Variants in MIPOL1 observed in about 807,000 individuals in gnomAD.
The protein encoded by MIPOL1 is mirror-image polydactyly gene 1 protein.
In MIPOL1, 57 loss-of-function variants were observed where a neutral mutation model predicts 60.9. The ratio of observed to expected loss-of-function variants is 0.94; its 90% CI spans 0.76 to 1.17. The LOEUF (loss-of-function observed/expected upper bound fraction) is 1.17, where lower values mean the gene tolerates loss of function less well. Among genes scored for constraint, MIPOL1 ranks in the 50% most tolerant of loss-of-function variants. The pLI, the probability that MIPOL1 is intolerant of heterozygous loss-of-function variation, is 0.00. For missense variants in MIPOL1, 551 were observed against 511.6 expected (o/e 1.08, Z -0.74); for synonymous variants, 179 against 168.8 (o/e 1.06, Z -0.47).
chr14:37,484,629 C>A (rs558068774), intron 11 of MIPOL1, among the ~76,000 whole-genome samples: 1 of 152,216 alleles, frequency 6.6e-6, no homozygotes, highest in South Asian at 2.1e-4. Flanking sequence ...GGCCACCACA[C>A]CCAGCCGTTA....
rs531470632 is a variant in MIPOL1, at chr14:37,528,425, T to C, written c.1263-18480T>C. 5.3e-5 allele frequency among the ~76,000 whole-genome samples: 8 copies of C among 152,172 alleles called. No homozygotes were observed. The South Asian group carries it at 1.7e-3, about 32-fold the overall frequency. ...GCACATATCTGTGCAAATGGAATTCTTGAGTTAAAGAATATTTAGAATTGT... is the reference window on the plus strand; with the variant it reads ...GCACATATCTGTGCAAATGGAATTCCTGAGTTAAAGAATATTTAGAATTGT... On this transcript the variant is annotated intron_variant, in intron 12 of 12. Coordinates refer to ENST00000684589, the MANE Select transcript of MIPOL1 (RefSeq NM_001388067.1).
At chr14:37,517,293 A>C (rs941178414) in intron 12 of MIPOL1, among the ~76,000 whole-genome samples, 1 of 152,190 alleles carries the variant, frequency 6.6e-6, no homozygotes, top group African/African-American at 2.4e-5. Context: ...TTTAATTAAA[A>C]CATTATGATC....
chr14:37,227,260 T>A (rs1017802792), intron 1 of MIPOL1, among the ~76,000 whole-genome samples: 1 of 152,222 alleles, frequency 6.6e-6, no homozygotes, highest in Non-Finnish European at 1.5e-5. Flanking sequence ...TCTTAGAGAC[T>A]GCTTGCTGTT....
chr14:37,376,636 C>A (rs1428695188), intron 10 of MIPOL1, among the ~76,000 whole-genome samples: 1 of 152,008 alleles, frequency 6.6e-6, no homozygotes, highest in African/African-American at 2.4e-5. Flanking sequence ...AGCTAAATCA[C>A]ATTTAATTGT....
chr14:37,296,750 A>G (rs1171601673), intron 7 of MIPOL1, among the ~76,000 whole-genome samples: 1 of 152,172 alleles, frequency 6.6e-6, no homozygotes, highest in Admixed American at 6.5e-5. Flanking sequence ...CCAAGACTAA[A>G]CCAGGTAGAA....
At chr14:37,232,082 TA>T (rs1054815125) in intron 1 of MIPOL1, among the ~76,000 whole-genome samples, 2 of 151,926 alleles carry the variant, frequency 1.3e-5, no homozygotes, top group Admixed American at 6.6e-5. Flanking sequence ...ACACTGTCTC[TA>T]AAAAAAATTA....
chr14:37,355,561 G>T (rs1330095515), intron 9 of MIPOL1, among the ~76,000 whole-genome samples: 2 of 147,504 alleles, frequency 1.4e-5, no homozygotes, highest in Non-Finnish European at 3.0e-5. Flanking sequence ...ACGTAGATTT[G>T]GTCTTTTCAC....
At chr14:37,276,007 T>C (rs887188688) in intron 6 of MIPOL1, among the ~76,000 whole-genome samples, 1 of 151,226 alleles carries the variant, frequency 6.6e-6, no homozygotes, top group African/African-American at 2.4e-5. Flanking sequence ...AAGATGAATT[T>C]GAGATCCTCT....
intron 12 of MIPOL1, among the ~76,000 whole-genome samples, chr14:37,524,699 TG>T (rs1202808789): frequency 1.3e-5 from 2 of 151,420 alleles, no homozygotes; most frequent in African/African-American, 4.9e-5. Context: ...CCCGAGTAGC[TG>T]GGATTACAGG....
intron 11 of MIPOL1, among the ~76,000 whole-genome samples, chr14:37,484,611 C>G (rs1027781514): frequency 6.6e-6 from 1 of 152,070 alleles, no homozygotes; most frequent in African/African-American, 2.4e-5. Context: ...GCTGGGATTA[C>G]AGTCGTGGGC....
intron 11 of MIPOL1, among the ~76,000 whole-genome samples, chr14:37,469,726 A>T (rs1197380270): frequency 6.6e-6 from 1 of 152,138 alleles, no homozygotes; most frequent in Non-Finnish European, 1.5e-5. Context: ...GCTTAATGCC[A>T]TTATCATAGA....
Position 37,429,278 on chromosome 14 carries a change from T to C in MIPOL1, c.1031+6329T>C, listed in dbSNP as rs184652428. Among the ~76,000 whole-genome samples the C allele has an allele frequency of 4.6e-3, 705 of 152,318 alleles. 4 individuals carry two copies. The highest frequency in any genetic ancestry group is 0.015 in the African/African-American group (625 of 41,586). On this transcript the variant is annotated intron_variant, in intron 11 of 12. Transcript: ENST00000684589. ...GATTTTATAGTGCTTCCTTATATTT[T>C]CTTTCACTTAAAGAAAGTGTAAATT...
At chr14:37,315,869 C>T (rs1381366075) in intron 9 of MIPOL1, among the ~76,000 whole-genome samples, 4 of 151,836 alleles carry the variant, frequency 2.6e-5, no homozygotes, top group African/African-American at 9.7e-5. Context: ...GGGGCTAAGA[C>T]CAAGTTGTGT....
chr14:37,438,827 T>C (rs2094200642), intron 11 of MIPOL1, among the ~76,000 whole-genome samples: 1 of 152,250 alleles, frequency 6.6e-6, no homozygotes, highest in South Asian at 2.1e-4. Context: ...TTATATCATA[T>C]GTTAGGCTAC....
intron 1 of MIPOL1, among the ~76,000 whole-genome samples, chr14:37,225,391 G>A (rs1051139050): frequency 1.3e-5 from 2 of 152,124 alleles, no homozygotes; most frequent in Non-Finnish European, 2.9e-5. Context: ...AGGCATTTCC[G>A]TACATCCTCT....
intron 11 of MIPOL1, among the ~76,000 whole-genome samples, chr14:37,427,288 A>G (rs1404281920): frequency 1.3e-5 from 2 of 152,208 alleles, no homozygotes; most frequent in Admixed American, 6.5e-5. Context: ...ACCTAAAGAC[A>G]TTATGCTAAG....
At chr14:37,376,905 G>A (rs987448751) in intron 10 of MIPOL1, among the ~76,000 whole-genome samples, 10 of 152,262 alleles carry the variant, frequency 6.6e-5, no homozygotes, top group African/African-American at 1.4e-4. Context: ...CACCAGTAAT[G>A]AATGAGAGCT....
chr14:37,384,336 A>G (rs547410448), intron 10 of MIPOL1, among the ~76,000 whole-genome samples: 14 of 150,856 alleles, frequency 9.3e-5, no homozygotes, highest in Admixed American at 2.0e-4. Context: ...GTTCTTCACA[A>G]TTTTTAAAAA....
chr14:37,255,191 A>G (rs767547641), intron 3 of MIPOL1, among the ~76,000 whole-genome samples: 1 of 151,754 alleles, frequency 6.6e-6, no homozygotes, highest in Non-Finnish European at 1.5e-5. Context: ...TTAATTTTCT[A>G]CACATGAGAA....
Sources: gnomAD v4.1 joint callset for allele counts (sites outside exome capture counted in the v4.1 genomes callset) on GRCh38, gnomAD v4.1.1 for gene constraint, MANE v1.5 for transcripts, NCBI Gene and HGNC (gene_info 2026-07-23, HGNC 2026-07-21) for gene names.